The following AUTS2 variants were observed in gnomAD, a reference collection of about 807,000 sequenced individuals.
AUTS2 encodes activator of transcription and developmental regulator AUTS2.
In AUTS2, 17 loss-of-function variants were observed where a neutral mutation model predicts 112.4. That is an observed-to-expected ratio of 0.15 (90% confidence interval 0.10 to 0.23). The LOEUF (loss-of-function observed/expected upper bound fraction) is 0.23. Among genes scored for constraint, AUTS2 ranks in the 10% least tolerant of loss-of-function variants. The pLI is 1.00. For synonymous variants in AUTS2, 751 were observed against 702.7 expected (o/e 1.07, Z -1.09); for missense variants, 1,510 against 1,701.6 (o/e 0.89, Z 1.98).
chr7:70,062,080 G>A (rs1260537949), intron 2 of AUTS2, among the ~76,000 whole-genome samples: 1 of 151,962 alleles, frequency 6.6e-6, no homozygotes, highest in African/African-American at 2.4e-5. Flanking sequence ...GAGCCACTGT[G>A]CCCAGCCGAG....
chr7:69,609,252 CAA>C (rs1792892250), intron 1 of AUTS2, among the ~76,000 whole-genome samples: 1 of 152,126 alleles, frequency 6.6e-6, no homozygotes, highest in South Asian at 2.1e-4. Flanking sequence ...TTTTTAAAAA[CAA>C]AAAGTCTTAC....
At chr7:70,592,019 AT>A (rs1427626464) in intron 5 of AUTS2, among the ~76,000 whole-genome samples, 1 of 152,242 alleles carries the variant, frequency 6.6e-6, no homozygotes, top group African/African-American at 2.4e-5. Flanking sequence ...TATAAATGCA[AT>A]ATATGCTCAA....
At chr7:70,029,211 T>C (rs1800661192) in intron 2 of AUTS2, among the ~76,000 whole-genome samples, 1 of 151,560 alleles carries the variant, frequency 6.6e-6, no homozygotes, top group Non-Finnish European at 1.5e-5. Flanking sequence ...TATGGAGCAC[T>C]CAGAGCAGTG....
At chr7:70,442,461 T>C (rs1020973392) in intron 5 of AUTS2, among the ~76,000 whole-genome samples, 1 of 152,198 alleles carries the variant, frequency 6.6e-6, no homozygotes, top group African/African-American at 2.4e-5. Flanking sequence ...CAATTTCTTA[T>C]GGTTCTTGGC....
chr7:70,229,464 G>T (rs899687074), intron 4 of AUTS2, among the ~76,000 whole-genome samples: 7 of 152,072 alleles, frequency 4.6e-5, no homozygotes, highest in African/African-American at 1.7e-4. Flanking sequence ...TGTACATAGT[G>T]AGTCATTTTT....
chr7:70,179,278 T>A (rs1809170797), intron 4 of AUTS2, among the ~76,000 whole-genome samples: 1 of 152,172 alleles, frequency 6.6e-6, no homozygotes, highest in African/African-American at 2.4e-5. Flanking sequence ...GAAATGTAAA[T>A]CTTTTCCTTT....
rs941574184 is a variant in AUTS2 at position 69,599,143 on chromosome 7, C to G, written c.-511C>G. The G allele has an allele frequency of 6.7e-6, 1 of 150,180 alleles. No individual in the cohort carries two copies. The highest frequency in any genetic ancestry group is 1.5e-5 in the Non-Finnish European group (1 of 67,572). The allele number at this position is 150,180 out of a possible 1,614,324, so 9.3% of individuals were successfully genotyped here. ...TGAAGTTCATTGCCCCCACTTTTCC[C>G]GCGACCTTTTTCGGACCCGATTTTG... On this transcript the variant is annotated 5_prime_UTR_variant, in exon 1 of 19. Transcript: ENST00000342771. The surrounding 1 kb of genome is among the most constrained non-coding windows in gnomAD (Gnocchi z 7.0).
intron 11 of AUTS2, among the ~76,000 whole-genome samples, chr7:70,772,191 C>A (rs137890900): frequency 1.3e-5 from 2 of 152,334 alleles, no homozygotes; most frequent in Admixed American, 1.3e-4. Flanking sequence ...GTCCTCCTTT[C>A]TTTCTCCCTC....
At chr7:70,458,369 C>G (rs374630406) in intron 5 of AUTS2, among the ~76,000 whole-genome samples, 4 of 152,226 alleles carry the variant, frequency 2.6e-5, no homozygotes, top group African/African-American at 7.2e-5. Context: ...CCCCCCAGCT[C>G]TGGTCCTTCT....
chr7:69,956,716 T>C (rs149776035), intron 2 of AUTS2, among the ~76,000 whole-genome samples: 2 of 152,150 alleles, frequency 1.3e-5, no homozygotes, highest in East Asian at 3.9e-4. Context: ...CTCTGTAGAG[T>C]GTGGCAGGTC....
intron 1 of AUTS2, among the ~76,000 whole-genome samples, chr7:69,645,587 A>T (rs1794986803): frequency 6.6e-6 from 1 of 152,188 alleles, no homozygotes; most frequent in African/African-American, 2.4e-5. Context: ...AAATCCATTG[A>T]ACTGGTGGAG....
chr7:70,481,910 T>C (rs572861485), intron 5 of AUTS2, among the ~76,000 whole-genome samples: 2 of 152,300 alleles, frequency 1.3e-5, no homozygotes, highest in East Asian at 3.9e-4. Flanking sequence ...TGCTCTATAC[T>C]GCACTCTAAT....
At chr7:70,662,569 C>T (rs1003359912) in intron 5 of AUTS2, among the ~76,000 whole-genome samples, 2 of 152,154 alleles carry the variant, frequency 1.3e-5, no homozygotes, top group African/African-American at 4.8e-5. Flanking sequence ...CCTCTGGCAC[C>T]GTTGCCTACA....
intron 5 of AUTS2, among the ~76,000 whole-genome samples, chr7:70,667,511 A>T (rs1439124392): frequency 6.6e-6 from 1 of 152,214 alleles, no homozygotes; most frequent in African/African-American, 2.4e-5. Flanking sequence ...TTCACTAACA[A>T]ATACTGGGAA....
At chr7:70,495,961 G>A (rs1255899752) in intron 5 of AUTS2, among the ~76,000 whole-genome samples, 6 of 94,142 alleles carry the variant, frequency 6.4e-5, no homozygotes, top group South Asian at 3.8e-4. Flanking sequence ...ACATGCACAC[G>A]TCACATCAGC....
intron 4 of AUTS2, among the ~76,000 whole-genome samples, chr7:70,375,276 T>A (rs559941095): frequency 6.6e-6 from 1 of 152,308 alleles, no homozygotes; most frequent in East Asian, 1.9e-4. Context: ...GAAGCCCCAT[T>A]GACTTTGCTT....
chr7:70,456,712 C>T (rs999476793), intron 5 of AUTS2, among the ~76,000 whole-genome samples: 6 of 152,244 alleles, frequency 3.9e-5, no homozygotes, highest in Admixed American at 6.5e-5. Context: ...GCTCCACTCA[C>T]TGTGGCTGGA....
intron 2 of AUTS2, among the ~76,000 whole-genome samples, chr7:70,110,440 C>T (rs540599646): frequency 1.7e-4 from 26 of 152,210 alleles, no homozygotes; most frequent in East Asian, 3.9e-4. Context: ...CGCTTGAACC[C>T]GGGAGGCAGA....
chr7:69,612,270 A>G (rs1464648879), intron 1 of AUTS2, among the ~76,000 whole-genome samples: 1 of 151,850 alleles, frequency 6.6e-6, no homozygotes, highest in Admixed American at 6.6e-5. Context: ...CACCTGAAGG[A>G]GTTTTTTGAA....
Sources: allele counts gnomAD v4.1 joint callset (sites outside exome capture counted in the v4.1 genomes callset), GRCh38; gene constraint gnomAD v4.1.1; non-coding constraint Gnocchi (gnomAD v3.1); transcripts MANE v1.5; gene names NCBI Gene and HGNC (gene_info 2026-07-23, HGNC 2026-07-21).